Variants in TNS1 observed in about 807,000 individuals in gnomAD.
The protein encoded by TNS1 is tensin-1.
In TNS1, 62 loss-of-function variants were observed where a neutral mutation model predicts 168.6. The observed-to-expected ratio is 0.37, with a 90% CI of 0.30 to 0.45. The LOEUF is 0.45. Ranked by LOEUF, TNS1 falls within the 20% of genes least tolerant of loss-of-function variation. The pLI is 1.00. For missense variants in TNS1, 2,240 were observed against 2,339.4 expected (o/e 0.96, Z 0.88); for synonymous variants, 934 against 933.2 (o/e 1.00, Z -0.02).
At chr2:217,981,362 G>T (rs1958044001) in intron 2 of TNS1, among the ~76,000 whole-genome samples, 1 of 152,246 alleles carries the variant, frequency 6.6e-6, no homozygotes, top group South Asian at 2.1e-4. Context: ...CCTTGGCAGT[G>T]CATGGCCTGC....
intron 4 of TNS1, among the ~76,000 whole-genome samples, chr2:217,915,265 T>G (rs1954878378): frequency 6.6e-6 from 1 of 152,232 alleles, no homozygotes; most frequent in African/African-American, 2.4e-5. Flanking sequence ...CACATCCTTC[T>G]CTGCTTCCAT....
At chr2:217,954,934 TC>T (rs1429609542) in intron 3 of TNS1, among the ~76,000 whole-genome samples, 2 of 151,594 alleles carry the variant, frequency 1.3e-5, no homozygotes, top group Non-Finnish European at 2.9e-5. Flanking sequence ...CACAGAAGGG[TC>T]CTCAGACACA....
Position 217,863,648 on chromosome 2 carries a change from T to G in TNS1, c.1430-14561A>C, listed in dbSNP as rs1387913879. On this transcript the variant is annotated intron_variant, in intron 18 of 32. Transcript: ENST00000682258. The stretch of plus-strand genomic sequence containing the variant: ...ACTGCTTAAACTTGGGCAAGTGATT[T>G]CCTTTTCCTGGGACTCAGTTTCCAA... Among the ~76,000 whole-genome samples the G allele has an allele frequency of 1.3e-5, 2 of 152,124 alleles. 1 individual carries two copies. Among genetic ancestry groups the G allele is most frequent in the Non-Finnish European group, 2.9e-5 (2 of 68,018 alleles).
chr2:217,817,621 G>A (rs945894438), intron 24 of TNS1, 69 bp downstream of exon 24: 18 of 1,331,324 alleles, frequency 1.4e-5, no homozygotes, highest in Non-Finnish European at 1.8e-5. Flanking sequence ...TAGACACTGG[G>A]ATAGATATTT....
chr2:217,813,247 TTGA>T lies in TNS1; in HGVS notation c.4919_4921del (p.Val1640_Lys1641delinsGlu). On this transcript the variant is annotated inframe_deletion, in exon 27 of 33. Transcript: ENST00000682258. The surrounding 1 kb of genome is among the most constrained non-coding windows in gnomAD (Gnocchi z 4.0). ...TGGCTCATTGGGGCAGCCCTTGAGC[TTGA>T]CTCCTCTGGGGCCAGTCTCTATCAG... is the stretch of plus-strand genomic sequence containing the variant. The T allele has an allele frequency of 6.2e-7, 1 of 1,603,810 alleles. No homozygotes were observed. The highest frequency in any genetic ancestry group is 8.5e-7 in the Non-Finnish European group (1 of 1,174,550).
chr2:217,839,916 T>C (rs1174790273), intron 19 of TNS1, among the ~76,000 whole-genome samples: 5 of 152,162 alleles, frequency 3.3e-5, no homozygotes, highest in Admixed American at 6.5e-5. Flanking sequence ...GCGATCACAC[T>C]AGCAGCCCTA....
At position 217,886,637 on chromosome 2, in the gene TNS1, A is replaced by G. The variant is rs1466306851; in HGVS notation, c.876T>C (p.His292=). The change falls in exon 13 of 33, where the codon CAT becomes CAC. Residue 292 remains histidine (H), a synonymous_variant. Coordinates refer to ENST00000682258, the MANE Select transcript of TNS1 (RefSeq NM_001387777.1). ...AGCCGGAGAGCAGGCCACTGAAGTA[A>G]TGCACGTACCTGTAGTGGTGGGAGA... The part of the protein sequence containing the change: ...IGQPSQRRYV[H]YFSGLLSGSI... 6.3e-7 allele frequency: 1 copy of G among 1,585,196 alleles called. No individual in the cohort carries two copies.
intron 6 of TNS1, among the ~76,000 whole-genome samples, chr2:217,900,920 G>C (rs1314487639): frequency 6.6e-6 from 1 of 152,172 alleles, no homozygotes; most frequent in African/African-American, 2.4e-5. Flanking sequence ...GAGAGTAATG[G>C]CGCCCCTCTG....
At chr2:217,855,593 G>A (rs1472846000) in intron 18 of TNS1, among the ~76,000 whole-genome samples, 1 of 151,812 alleles carries the variant, frequency 6.6e-6, no homozygotes, top group Non-Finnish European at 1.5e-5. Context: ...TCTCCCTAGG[G>A]CCGGTTCCCA....
At chr2:217,898,435 A>G (rs113460726) in intron 7 of TNS1, among the ~76,000 whole-genome samples, 37 of 152,250 alleles carry the variant, frequency 2.4e-4, no homozygotes, top group African/African-American at 8.7e-4. Context: ...TGGAACGGAG[A>G]CTTCCCACTG....
chr2:218,010,095 T>C (rs1005033191), intron 1 of TNS1: 1 of 398,006 alleles, frequency 2.5e-6, no homozygotes, highest in Non-Finnish European at 4.4e-6. Flanking sequence ...GCCGAGAGCA[T>C]TTACCTGGCT....
rs748993471 is a variant in TNS1, at chr2:217,892,952, C to T, written c.778G>A (p.Ala260Thr). The T allele has an allele frequency of 1.2e-6, 2 of 1,614,136 alleles. No homozygotes were observed. Among genetic ancestry groups the T allele is most frequent in the East Asian group, 2.2e-5 (1 of 44,886 alleles). ...AAYMHYSNIS[A>T]SADQALDRFA... The stretch of plus-strand genomic sequence containing the variant: ...GAGGCTCCAGGCCCCTCTTACCTGG[C>T]AGAAATGTTGCTGTAGTGCATGTAA... The change falls in exon 11 of 33, where the codon GCC becomes ACC. Residue 260 changes from alanine to threonine, a missense_variant. Coordinates refer to ENST00000682258, the MANE Select transcript of TNS1 (RefSeq NM_001387777.1).
chr2:218,022,560 G>A lies in TNS1; in HGVS notation c.156+11260C>T, dbSNP rs545917659. 2.5e-4 allele frequency among the ~76,000 whole-genome samples: 38 copies of A among 152,182 alleles called. No individual in the cohort carries two copies. The South Asian group carries it at 7.5e-3, about 30-fold the overall frequency. On this transcript the variant is annotated intron_variant, in intron 1 of 1. Coordinates refer to the TNS1 transcript ENST00000649572. ...GAGGGGACAATGAAGAGGGGACAGG[G>A]GTGTCCCTTTGTCCCCCTGCCTGGC...
At chr2:217,994,045 C>T (rs573007712) in intron 1 of TNS1, among the ~76,000 whole-genome samples, 7 of 152,258 alleles carry the variant, frequency 4.6e-5, no homozygotes, top group Admixed American at 3.9e-4. Flanking sequence ...AGCAGTGCCC[C>T]CTGGTGGTCA....
At chr2:217,974,077 C>T (rs947946559) in intron 3 of TNS1, among the ~76,000 whole-genome samples, 3 of 152,208 alleles carry the variant, frequency 2.0e-5, no homozygotes, top group African/African-American at 7.2e-5. Context: ...CATTCAAGAA[C>T]AGGCAAAACT....
intron 32 of TNS1, among the ~76,000 whole-genome samples, chr2:217,804,827 G>T (rs2125023236): frequency 1.3e-5 from 2 of 152,236 alleles, no homozygotes; most frequent in Middle Eastern, 3.4e-3. Context: ...GTTTAAGGGT[G>T]GGCAGAAATC....
At chr2:217,805,705 G>GCATA (rs1938821849) in intron 32 of TNS1, among the ~76,000 whole-genome samples, 1 of 18,180 alleles carries the variant, frequency 5.5e-5, no homozygotes, top group Non-Finnish European at 1.2e-4. Flanking sequence ...ATCACCACAT[G>GCATA]CATACACCAC....
chr2:217,907,127 C>G, intron 5 of TNS1, 83 bp downstream of exon 5: 1 of 692,274 alleles, frequency 1.4e-6, no homozygotes, highest in Non-Finnish European at 2.7e-6. Flanking sequence ...GTCCACTCTC[C>G]CCCAAATCCA....
chr2:217,966,320 C>T (rs79766819), intron 3 of TNS1, among the ~76,000 whole-genome samples: 16,443 of 149,640 alleles, frequency 0.11, 958 homozygotes, highest in South Asian at 0.15. Flanking sequence ...CGCGCGCGCG[C>T]GTGTGTAAGG....
Sources: gnomAD v4.1 joint callset for allele counts (sites outside exome capture counted in the v4.1 genomes callset) on GRCh38, gnomAD v4.1.1 for gene constraint, Gnocchi (gnomAD v3.1) non-coding constraint, MANE v1.5 for transcripts, NCBI Gene and HGNC (gene_info 2026-07-23, HGNC 2026-07-21) for gene names.